The following ANO3 variants were observed in gnomAD, a reference collection of about 807,000 sequenced individuals.
ANO3 encodes the protein anoctamin-3.
In ANO3, 99 loss-of-function variants were observed where a neutral mutation model predicts 144.8. The ratio of observed to expected loss-of-function variants is 0.68; its 90% CI spans 0.58 to 0.81. The LOEUF (loss-of-function observed/expected upper bound fraction) is 0.81, where lower values mean the gene tolerates loss of function less well. Ranked by LOEUF, ANO3 falls within the 30% of genes least tolerant of loss-of-function variation. The pLI is 0.00. For missense variants in ANO3, 905 were observed against 1,202.2 expected, an observed-to-expected ratio of 0.75 and a Z score of 3.66; for synonymous variants, 414 against 392.6, an observed-to-expected ratio of 1.05 and a Z score of -0.64.
intron 14 of ANO3, among the ~76,000 whole-genome samples, chr11:26,579,725 C>CT (rs369101466): frequency 3.4e-4 from 52 of 152,044 alleles, no homozygotes; most frequent in South Asian, 1.5e-3. Flanking sequence ...TCACGTGGAT[C>CT]TTTTTTTTCA....
chr11:26,595,963 G>A (rs565588762), intron 14 of ANO3, among the ~76,000 whole-genome samples: 4 of 152,108 alleles, frequency 2.6e-5, no homozygotes, highest in East Asian at 3.9e-4. Context: ...GGCCATTCGC[G>A]GGTTACTGAG....
chr11:26,377,524 A>G (rs1362319132), intron 1 of ANO3, among the ~76,000 whole-genome samples: 2 of 152,242 alleles, frequency 1.3e-5, no homozygotes, highest in African/African-American at 2.4e-5. Flanking sequence ...ACAGAAAACA[A>G]TAAATTAAAA....
chr11:26,484,639 C>T (rs1469344415), intron 4 of ANO3, among the ~76,000 whole-genome samples: 2 of 152,170 alleles, frequency 1.3e-5, no homozygotes, highest in Non-Finnish European at 2.9e-5. Flanking sequence ...GGAGAACTGC[C>T]TAGTGGAGCT....
chr11:26,648,153 C>T (rs1175593336), intron 24 of ANO3, among the ~76,000 whole-genome samples: 1 of 151,924 alleles, frequency 6.6e-6, no homozygotes, highest in African/African-American at 2.4e-5. Context: ...TAACTTCTTA[C>T]CATCTAGATG....
intron 17 of ANO3, 125 bp from the exon 18 acceptor site, chr11:26,624,337 T>C (rs1852513239): frequency 3.2e-6 from 2 of 623,828 alleles, no homozygotes; most frequent in Non-Finnish European, 5.6e-6. Context: ...CAATAAATGT[T>C]TCTATTTAAA....
intron 1 of ANO3, among the ~76,000 whole-genome samples, chr11:26,243,115 T>C (rs1472919396): frequency 2.6e-5 from 4 of 152,116 alleles, no homozygotes; most frequent in Non-Finnish European, 5.9e-5. Context: ...GGACCATATT[T>C]TGAAGAATGA....
intron 1 of ANO3, among the ~76,000 whole-genome samples, chr11:26,251,390 A>G (rs975615109): frequency 6.6e-6 from 1 of 152,204 alleles, no homozygotes; most frequent in Non-Finnish European, 1.5e-5. Flanking sequence ...ATGTTTTCAG[A>G]TATTTTTCAA....
chr11:26,436,937 C>T (rs1012558840), intron 1 of ANO3, among the ~76,000 whole-genome samples: 3 of 151,960 alleles, frequency 2.0e-5, no homozygotes, highest in Non-Finnish European at 4.4e-5. Flanking sequence ...TCCAGTATTC[C>T]GGGGGACAGC....
At chr11:26,601,483 C>T (rs375582686) in intron 17 of ANO3, among the ~76,000 whole-genome samples, 1 of 151,656 alleles carries the variant, frequency 6.6e-6, no homozygotes, top group African/African-American at 2.4e-5. Flanking sequence ...TATCTCTAAA[C>T]GAGCCATAAA....
intron 1 of ANO3, among the ~76,000 whole-genome samples, chr11:26,369,327 T>G (rs534883331): frequency 7.3e-4 from 111 of 152,132 alleles, no homozygotes; most frequent in Non-Finnish European, 4.9e-4. Flanking sequence ...TCAAAGAAAC[T>G]ATATCATTTC....
At chr11:26,315,968 C>T (rs1485482948) in intron 1 of ANO3, among the ~76,000 whole-genome samples, 1 of 152,174 alleles carries the variant, frequency 6.6e-6, no homozygotes, top group Non-Finnish European at 1.5e-5. Context: ...TATGTCTCCA[C>T]TCTTTTACTA....
chr11:26,476,479 C>T (rs369349140), intron 4 of ANO3, among the ~76,000 whole-genome samples: 5 of 151,942 alleles, frequency 3.3e-5, no homozygotes, highest in Non-Finnish European at 5.9e-5. Flanking sequence ...GCTTATATGG[C>T]AAAAACACAG....
intron 3 of ANO3, among the ~76,000 whole-genome samples, chr11:26,457,457 C>A (rs1859212355): frequency 6.6e-6 from 1 of 151,614 alleles, no homozygotes; most frequent in Non-Finnish European, 1.5e-5. Context: ...TTTTTGGTAG[C>A]CCTAAATTAC....
At chr11:26,650,736 C>A (rs1336475978) in intron 24 of ANO3, among the ~76,000 whole-genome samples, 1 of 152,028 alleles carries the variant, frequency 6.6e-6, no homozygotes, top group East Asian at 1.9e-4. Flanking sequence ...TTCTATGTGA[C>A]AAAATAGGAA....
At chr11:26,407,420 T>C (rs1010398422) in intron 1 of ANO3, among the ~76,000 whole-genome samples, 1 of 151,806 alleles carries the variant, frequency 6.6e-6, no homozygotes, top group African/African-American at 2.4e-5. Context: ...ATTCTAGTAC[T>C]GACAGCATGT....
intron 1 of ANO3, among the ~76,000 whole-genome samples, chr11:26,280,551 T>C (rs1853655486): frequency 6.6e-6 from 1 of 152,180 alleles, no homozygotes; most frequent in East Asian, 1.9e-4. Flanking sequence ...CTCACGTTCT[T>C]CTGCCTGCTT....
At chr11:26,511,621 C>T (rs1469691073) in intron 5 of ANO3, among the ~76,000 whole-genome samples, 1 of 152,004 alleles carries the variant, frequency 6.6e-6, no homozygotes, top group Non-Finnish European at 1.5e-5. Flanking sequence ...GTAAATGGTG[C>T]TAAATGGCTT....
At chr11:26,329,890 G>GC (rs1448390680), upstream of ANO3, among the ~76,000 whole-genome samples, 1 of 150,026 alleles carries the variant, frequency 6.7e-6, no homozygotes, top group Non-Finnish European at 1.5e-5. Context: ...TAGGCTCACC[G>GC]CAAGCTCCGC....
At chr11:26,197,975 G>A (rs1800009965) in intron 1 of ANO3, among the ~76,000 whole-genome samples, 1 of 152,108 alleles carries the variant, frequency 6.6e-6, no homozygotes, top group African/African-American at 2.4e-5. Flanking sequence ...CCTTCTCTGT[G>A]ACTCCAGTCT....
Sources: allele counts gnomAD v4.1 joint callset (sites outside exome capture counted in the v4.1 genomes callset), GRCh38; gene constraint gnomAD v4.1.1; transcripts MANE v1.5; gene names NCBI Gene and HGNC (gene_info 2026-07-23, HGNC 2026-07-21).